Variants in CADPS observed in about 807,000 individuals in gnomAD.
The protein encoded by CADPS is calcium-dependent secretion activator 1.
Under a neutral mutation model 167.3 loss-of-function variants are expected in CADPS, and 57 were observed. The observed-to-expected ratio is 0.34, with a 90% CI of 0.28 to 0.42. The LOEUF is 0.42. Ranked by LOEUF, CADPS falls within the 20% of genes least tolerant of loss-of-function variation. The pLI is 1.00. For synonymous variants in CADPS, 676 were observed against 635.3 expected (o/e 1.06, Z -0.96); for missense variants, 1,414 against 1,738.1 (o/e 0.81, Z 3.32).
chr3:62,749,142 A>G (rs980536190), intron 3 of CADPS, among the ~76,000 whole-genome samples: 4 of 152,242 alleles, frequency 2.6e-5, no homozygotes, highest in Admixed American at 2.0e-4. Context: ...AATTTCTTCT[A>G]TGAGATTTAT....
At chr3:62,696,887 C>T (rs959273424) in intron 3 of CADPS, among the ~76,000 whole-genome samples, 16 of 152,038 alleles carry the variant, frequency 1.1e-4, no homozygotes, top group African/African-American at 3.9e-4. Context: ...CCTTGATATC[C>T]TGGAATGTGA....
At chr3:62,504,197 G>A (rs192027465) in intron 17 of CADPS, among the ~76,000 whole-genome samples, 1 of 152,100 alleles carries the variant, frequency 6.6e-6, no homozygotes, top group Admixed American at 6.5e-5. Context: ...AAATTGTTTG[G>A]GAAAAAAATG....
chr3:62,658,672 G>A (rs547642295), intron 4 of CADPS, among the ~76,000 whole-genome samples: 2 of 152,254 alleles, frequency 1.3e-5, no homozygotes, highest in East Asian at 3.9e-4. Flanking sequence ...TACATCTGGA[G>A]TGCTTCCCAA....
intron 1 of CADPS, among the ~76,000 whole-genome samples, chr3:62,872,153 T>C (rs1423722386): frequency 2.0e-5 from 3 of 152,184 alleles, no homozygotes; most frequent in Admixed American, 1.3e-4. Context: ...TTTTCTATTC[T>C]ACTGCAAACT....
intron 28 of CADPS, among the ~76,000 whole-genome samples, chr3:62,415,219 C>T (rs1466704645): frequency 6.6e-6 from 1 of 152,010 alleles, no homozygotes; most frequent in African/African-American, 2.4e-5. Flanking sequence ...AATAAATCTG[C>T]AAGTAGCACA....
At chr3:62,617,610 G>C (rs2062526278) in intron 6 of CADPS, among the ~76,000 whole-genome samples, 1 of 152,132 alleles carries the variant, frequency 6.6e-6, no homozygotes, top group Non-Finnish European at 1.5e-5. Flanking sequence ...GAAGGTGAAA[G>C]TTGAGGGGCT....
Position 62,458,122 on chromosome 3 carries a change from T to A in CADPS, c.3636+7245A>T, listed in dbSNP as rs1314964477. Among the ~76,000 whole-genome samples, 1 of 152,202 alleles carries A rather than the reference T, an allele frequency of 6.6e-6. No homozygotes were observed. Among genetic ancestry groups the A allele is most frequent in the African/African-American group, 2.4e-5 (1 of 41,458 alleles). On this transcript the variant is annotated intron_variant, in intron 26 of 29. Coordinates refer to ENST00000383710, the MANE Select transcript of CADPS (RefSeq NM_003716.4). This position sits in a 1 kb window ranked among gnomAD's most constrained non-coding sequence, Gnocchi z 4.6. ...AAAAAAGCACCAGGGTCATGTAAACTTTCTTACAGTTTTGAATAATTTGAC... is the reference window on the plus strand; with the variant it reads ...AAAAAAGCACCAGGGTCATGTAAACATTCTTACAGTTTTGAATAATTTGAC...
Position 62,438,448 on chromosome 3 carries a change from TA to T in CADPS, c.3670-238del, listed in dbSNP as rs1312781124. On this transcript the variant is annotated intron_variant, in intron 27 of 29. Transcript: ENST00000383710. The surrounding 1 kb of genome is among the most constrained non-coding windows in gnomAD (Gnocchi z 4.7). Reference sequence around the variant, plus strand: ...AGGGCATTGAGATTGTAGGATTTTATAAATAGTTTTTCTATGATAAATTTTT... The same window carrying T: ...AGGGCATTGAGATTGTAGGATTTTATAATAGTTTTTCTATGATAAATTTTT... 55 of 445,642 alleles carry T rather than the reference TA, an allele frequency of 1.2e-4. 3 individuals are homozygous for T. In the South Asian group the frequency reaches 1.4e-3, roughly 11 times the overall value. The allele number at this position is 445,642 out of a possible 1,614,324, so 27.6% of individuals were successfully genotyped here.
At chr3:62,749,408 T>C (rs773811653) in intron 3 of CADPS, among the ~76,000 whole-genome samples, 6 of 152,190 alleles carry the variant, frequency 3.9e-5, no homozygotes, top group Non-Finnish European at 7.3e-5. Context: ...AGAAATCAGA[T>C]TACAGCTTCC....
chr3:62,717,073 G>T (rs989684194), intron 3 of CADPS, among the ~76,000 whole-genome samples: 1 of 152,146 alleles, frequency 6.6e-6, no homozygotes, highest in Non-Finnish European at 1.5e-5. Context: ...TACTGGAATA[G>T]ATTGATTTTG....
At chr3:62,536,973 G>T (rs1378348061) in intron 11 of CADPS, among the ~76,000 whole-genome samples, 1 of 152,086 alleles carries the variant, frequency 6.6e-6, no homozygotes, top group Non-Finnish European at 1.5e-5. Flanking sequence ...CATTCCAGTG[G>T]TTATGTCTAC....
chr3:62,838,858 A>T (rs1041794997), intron 1 of CADPS, among the ~76,000 whole-genome samples: 12 of 152,176 alleles, frequency 7.9e-5, no homozygotes, highest in African/African-American at 2.9e-4. Flanking sequence ...GAGGAATCTG[A>T]GCATCAGATG....
At chr3:62,840,591 G>A (rs60276125) in intron 1 of CADPS, among the ~76,000 whole-genome samples, 2,968 of 152,126 alleles carry the variant, frequency 0.02, 92 homozygotes, top group African/African-American at 0.067. Flanking sequence ...ATAAAAAAGT[G>A]TGTGTGTTTG....
chr3:62,656,755 G>A (rs961446186), intron 4 of CADPS, among the ~76,000 whole-genome samples: 2 of 152,120 alleles, frequency 1.3e-5, no homozygotes, highest in Non-Finnish European at 2.9e-5. Context: ...GTCAAAATAG[G>A]CATTGCAGAC....
chr3:62,832,055 C>A (rs535064430), intron 1 of CADPS, among the ~76,000 whole-genome samples: 130 of 152,254 alleles, frequency 8.5e-4, no homozygotes, highest in Admixed American at 1.8e-3. Flanking sequence ...GCTTACATTT[C>A]ATTGTTGATA....
chr3:62,512,048 A>T (rs1200742191), intron 17 of CADPS, among the ~76,000 whole-genome samples: 1 of 152,152 alleles, frequency 6.6e-6, no homozygotes, highest in Non-Finnish European at 1.5e-5. Context: ...AATGTTTTGA[A>T]ATGTGCTCAA....
chr3:62,857,989 A>G (rs529276175), intron 1 of CADPS, among the ~76,000 whole-genome samples: 14 of 152,298 alleles, frequency 9.2e-5, no homozygotes, highest in African/African-American at 3.1e-4. Context: ...TACAAATATG[A>G]TTTCCACTTT....
Position 62,874,898 on chromosome 3 carries a change from G to A in CADPS, c.132C>T (p.Gly44=), listed in dbSNP as rs549687239. The A allele has an allele frequency of 3.2e-5, 43 of 1,354,290 alleles. No homozygotes were observed. In the South Asian group the frequency reaches 6.7e-4, roughly 21 times the overall value. The allele number at this position is 1,354,290 out of a possible 1,614,324, so 83.9% of individuals were successfully genotyped here. The change falls in exon 1 of 30, where the codon GGC becomes GGT. Residue 44 remains glycine (G), a synonymous_variant. Coordinates refer to ENST00000383710, the MANE Select transcript of CADPS (RefSeq NM_003716.4). The surrounding 1 kb of genome is among the most constrained non-coding windows in gnomAD (Gnocchi z 7.1). ...CGCCGCCGCCCCCCAGCCCGGCGCT[G>A]CCGGCCGAGCCCTCGCTGGTACGGC... ...SPSRTSEGSA[G]SAGLGGGGAG...
chr3:62,686,133 T>G (rs1242468750), intron 3 of CADPS, among the ~76,000 whole-genome samples: 1 of 152,180 alleles, frequency 6.6e-6, no homozygotes, highest in East Asian at 1.9e-4. Context: ...TAAACAAATT[T>G]TTAAGCAAGA....
Sources: gnomAD v4.1 joint callset for allele counts (sites outside exome capture counted in the v4.1 genomes callset) on GRCh38, gnomAD v4.1.1 for gene constraint, Gnocchi (gnomAD v3.1) non-coding constraint, MANE v1.5 for transcripts, NCBI Gene and HGNC (gene_info 2026-07-23, HGNC 2026-07-21) for gene names.